The following CAST variants were observed in gnomAD, a reference collection of about 807,000 sequenced individuals.
The protein encoded by CAST is MIR583 host.
Under a neutral mutation model 119.6 loss-of-function variants are expected in CAST, and 76 were observed. That is an observed-to-expected ratio of 0.64 (90% CI 0.53 to 0.77). The LOEUF is 0.77. CAST is among the 30% of genes least tolerant of loss of function. CAST has a pLI of 0.00. For missense variants in CAST, 953 were observed against 946.5 expected (o/e 1.01, Z -0.09); for synonymous variants, 319 against 331.6 (o/e 0.96, Z 0.41).
the CAST span, among the ~76,000 whole-genome samples, chr5:96,470,550 A>G: frequency 6.6e-6 from 1 of 152,090 alleles, no homozygotes; most frequent in Admixed American, 6.6e-5. Context: ...TGCCTGAAAC[A>G]TTTCAGAGCA....
rs1381911566 is a variant in CAST at position 96,695,888 on chromosome 5, G to T, written c.191G>T (p.Gly64Val). The change falls in exon 3 of 32, where the codon GGA becomes GTA. Residue 64 changes from glycine to valine, a missense_variant. Physicochemically the swap from Gly to Val is moderately radical, Grantham distance 109. Transcript: ENST00000675179. ...CAATCCTCCAGAACCTATGCTGGTG[G>T]AACAGCCTCGGCCACCAAGGTCAGT... Reference protein sequence around the residue: ...SSQSSRTYAGGTASATKVSAS... With the variant: ...SSQSSRTYAGVTASATKVSAS... 6 of 1,612,658 alleles carry T rather than the reference G, an allele frequency of 3.7e-6. No individual in the cohort carries two copies. Among genetic ancestry groups the T allele is most frequent in the Non-Finnish European group, 5.1e-6 (6 of 1,179,170 alleles).
chr5:96,382,927 A>T, the CAST span, among the ~76,000 whole-genome samples: 1 of 152,184 alleles, frequency 6.6e-6, no homozygotes, highest in Non-Finnish European at 1.5e-5. Context: ...TCCAAAGCAC[A>T]TCATGGACCT....
chr5:96,695,941 CTGTA>C (rs753380970), intron 3 of CAST, 34 bp downstream of exon 3: 3 of 1,472,596 alleles, frequency 2.0e-6, no homozygotes, highest in Admixed American at 1.7e-5. Flanking sequence ...AAGACCCCTA[CTGTA>C]TTCTACAGGG....
At chr5:96,062,873 C>G in the CAST span, among the ~76,000 whole-genome samples, 1 of 152,036 alleles carries the variant, frequency 6.6e-6, no homozygotes, top group East Asian at 1.9e-4. Flanking sequence ...AGTTAAGCTG[C>G]CTTGACCAGC....
At chr5:96,448,903 C>A in the CAST span, among the ~76,000 whole-genome samples, 15 of 152,262 alleles carry the variant, frequency 9.9e-5, no homozygotes, top group East Asian at 2.9e-3. Context: ...AAAATAGTAT[C>A]TTTAAAAATA....
intron 5 of CAST, 141 bp from the exon 6 acceptor site, chr5:96,727,343 AAACTT>A (rs1759442643): frequency 5.8e-6 from 3 of 521,418 alleles, no homozygotes; most frequent in Non-Finnish European, 3.3e-6. Flanking sequence ...AAAGTGTAAC[AAACTT>A]AACTGATAAT....
the CAST span, among the ~76,000 whole-genome samples, chr5:96,430,466 A>T: frequency 2.6e-5 from 4 of 152,162 alleles, no homozygotes; most frequent in African/African-American, 9.7e-5. Context: ...TAAGCTGTGG[A>T]TGGAACTGGG....
chr5:96,629,556 A>T (rs1310801744), intron 1 of CAST, among the ~76,000 whole-genome samples: 1 of 152,220 alleles, frequency 6.6e-6, no homozygotes, highest in East Asian at 1.9e-4. Flanking sequence ...CTTCTTGCTA[A>T]AAAGTATGGG....
At chr5:96,387,812 A>G in the CAST span, among the ~76,000 whole-genome samples, 1 of 152,196 alleles carries the variant, frequency 6.6e-6, no homozygotes, top group African/African-American at 2.4e-5. Flanking sequence ...AACTAAGGCC[A>G]AAGGGTACTC....
At chr5:96,454,408 A>G in the CAST span, among the ~76,000 whole-genome samples, 1 of 152,186 alleles carries the variant, frequency 6.6e-6, no homozygotes, top group Admixed American at 6.5e-5. Flanking sequence ...GTTTTTATTA[A>G]CACAAAAGAG....
intron 25 of CAST, 65 bp downstream of exon 25, chr5:96,762,437 G>A (rs902365476): frequency 8.3e-7 from 1 of 1,203,528 alleles, no homozygotes; most frequent in Middle Eastern, 2.0e-4. Flanking sequence ...AAGAAAATAG[G>A]GCGCCTGTTT....
upstream of CAST, among the ~76,000 whole-genome samples, chr5:96,660,979 C>G (rs1367211858): frequency 6.6e-6 from 1 of 151,630 alleles, no homozygotes; most frequent in Non-Finnish European, 1.5e-5. Flanking sequence ...CCTCTTCTCC[C>G]CGCATCCCCT....
chr5:96,439,133 A>G, the CAST span, among the ~76,000 whole-genome samples: 1 of 152,220 alleles, frequency 6.6e-6, no homozygotes, highest in African/African-American at 2.4e-5. Flanking sequence ...AAATGTGTTA[A>G]GTATACTTCA....
At chr5:96,231,402 C>A in the CAST span, among the ~76,000 whole-genome samples, 1 of 152,024 alleles carries the variant, frequency 6.6e-6, no homozygotes, top group Non-Finnish European at 1.5e-5. Context: ...TGTATGATTT[C>A]ATGTATTCAC....
chr5:96,322,091 C>A, the CAST span, among the ~76,000 whole-genome samples: 1 of 152,056 alleles, frequency 6.6e-6, no homozygotes, highest in Non-Finnish European at 1.5e-5. Context: ...AGAATGGGTT[C>A]CCTTTGATGT....
the CAST span, among the ~76,000 whole-genome samples, chr5:96,290,586 T>A: frequency 2.6e-5 from 4 of 152,212 alleles, no homozygotes; most frequent in Non-Finnish European, 4.4e-5. Context: ...TGATGCCCTG[T>A]CTTTGGGAAA....
At chr5:96,719,837 C>T (rs774951137) in intron 3 of CAST, among the ~76,000 whole-genome samples, 93 of 152,258 alleles carry the variant, frequency 6.1e-4, no homozygotes, top group Middle Eastern at 3.4e-3. Flanking sequence ...GTACACAGCT[C>T]GGAGGGTCCT....
At chr5:96,264,698 T>C in the CAST span, among the ~76,000 whole-genome samples, 27 of 152,354 alleles carry the variant, frequency 1.8e-4, no homozygotes, top group East Asian at 4.0e-3. Flanking sequence ...GCATTTGACT[T>C]CCTCTTTGCA....
the CAST span, among the ~76,000 whole-genome samples, chr5:96,473,000 CCCATAG>C: frequency 6.6e-6 from 1 of 152,196 alleles, no homozygotes; most frequent in Non-Finnish European, 1.5e-5. Flanking sequence ...AATCTCTGCT[CCCATAG>C]CCACATGGCC....
Sources: allele counts gnomAD v4.1 joint callset (sites outside exome capture counted in the v4.1 genomes callset), GRCh38; gene constraint gnomAD v4.1.1; transcripts MANE v1.5; gene names NCBI Gene and HGNC (gene_info 2026-07-23, HGNC 2026-07-21).